Variants in FMR1 observed in about 807,000 individuals in gnomAD.
The protein encoded by FMR1 is fragile X messenger ribonucleoprotein 1.
Under a neutral mutation model 50.6 loss-of-function variants are expected in FMR1, and 13 were observed. The ratio of observed to expected loss-of-function variants is 0.26; its 90% CI spans 0.17 to 0.41. The LOEUF (loss-of-function observed/expected upper bound fraction) is 0.41. Among genes scored for constraint, FMR1 ranks in the 10% least tolerant of loss-of-function variants. The pLI is 1.00. For missense variants in FMR1, 316 were observed against 491.3 expected (o/e 0.64, Z 3.37); for synonymous variants, 138 against 164.1 (o/e 0.84, Z 1.22).
chrX:147,933,409 A>T, intron 9 of FMR1: 1 of 967,519 alleles, frequency 1.0e-6, no homozygotes, highest in Non-Finnish European at 1.4e-6. Context: ...AGGGTTGAAG[A>T]TCTGAACATA....
chrX:147,917,394 C>A (rs1376605438), intron 1 of FMR1, among the ~76,000 whole-genome samples: 1 of 111,757 alleles, frequency 8.9e-6, no homozygotes, highest in Non-Finnish European at 1.9e-5. Context: ...ACCTCTTTGG[C>A]CCAGTTGCTA....
intron 13 of FMR1, among the ~76,000 whole-genome samples, chrX:147,941,260 T>C (rs2043993966): frequency 8.9e-6 from 1 of 111,786 alleles, no homozygotes; most frequent in Non-Finnish European, 1.9e-5. Flanking sequence ...TGCAGCAATT[T>C]ACTTATAAGA....
chrX:147,928,442 T>G, intron 4 of FMR1, 49 bp downstream of exon 4: 1 of 996,455 alleles, frequency 1.0e-6, no homozygotes, highest in African/African-American at 1.9e-5. Context: ...TTCCTTTTTT[T>G]AAACCCAGGT....
intron 9 of FMR1, among the ~76,000 whole-genome samples, chrX:147,934,238 TTA>T (rs1220231544): frequency 5.5e-5 from 6 of 109,545 alleles, no homozygotes; most frequent in Admixed American, 9.7e-5. Flanking sequence ...GAGTAGAGAA[TTA>T]TGTGTCAGAT....
Position 147,919,496 on chromosome X carries a change from G to A in FMR1, c.52-2437G>A, listed in dbSNP as rs1257131574. On this transcript the variant is annotated intron_variant, in intron 1 of 16. Transcript: ENST00000370475. Reference sequence around the variant, plus strand: ...TAAGCTAGAGTTCTCAAAATATGCTGTAGAAAATATTGGTCATTTAAATAT... The same window carrying A: ...TAAGCTAGAGTTCTCAAAATATGCTATAGAAAATATTGGTCATTTAAATAT... Among the ~76,000 whole-genome samples the A allele has an allele frequency of 4.5e-5, 5 of 112,347 alleles. No homozygotes were observed. The East Asian group carries it at 1.4e-3, about 31-fold the overall frequency.
intron 14 of FMR1, chrX:147,943,562 C>T: frequency 2.5e-6 from 1 of 396,643 alleles, no homozygotes. Flanking sequence ...TCTGCAAAGC[C>T]CTTGTGTGTT....
rs781804261 is a variant in FMR1 at position 147,929,052 on chromosome X, A to G, written c.419+245A>G. On this transcript the variant is annotated intron_variant, in intron 5 of 16. Transcript: ENST00000370475. The stretch of plus-strand genomic sequence containing the variant: ...TTGGCTATACACGTGTCTGATGTAC[A>G]TAATGTACATTTGTTTTCTAAACTA... Among the ~76,000 whole-genome samples the G allele has an allele frequency of 1.5e-4, 17 of 112,335 alleles. No homozygotes were observed. The East Asian group carries it at 3.4e-3, about 22-fold the overall frequency.
At position 147,928,627 on chromosome X, in the gene FMR1, G is replaced by A. The variant is rs781877186; in HGVS notation, c.271-32G>A. 2.3e-5 allele frequency: 26 copies of A among 1,132,563 alleles called. No homozygotes were observed. The Admixed American group carries it at 5.6e-4, about 25-fold the overall frequency. The allele number at this position is 1,132,563 out of a possible 1,213,427, so 93.3% of individuals were successfully genotyped here. ...ACTTCTTATTCTTACTTTAAAAATT[G>A]TGATTAGAAGTGACTTTTATTTATT... On this transcript the variant is annotated intron_variant, in intron 4 of 16. Coordinates refer to ENST00000370475, the MANE Select transcript of FMR1 (RefSeq NM_002024.6).
chrX:147,928,150 T>C (rs1275036694), intron 3 of FMR1, 172 bp from the exon 4 acceptor site: 2 of 429,273 alleles, frequency 4.7e-6, no homozygotes, highest in Non-Finnish European at 8.2e-6. Flanking sequence ...ATTATGTATC[T>C]CTGCCTACCT....
At chrX:147,946,865 T>A (rs2044185330) in intron 16 of FMR1, 1 of 112,195 alleles carries the variant, frequency 8.9e-6, no homozygotes, top group Non-Finnish European at 1.9e-5. Flanking sequence ...TCAAAGTAAG[T>A]GTTAACTATT....
At chrX:147,912,633 G>A in intron 1 of FMR1, 1 of 302,732 alleles carries the variant, frequency 3.3e-6, no homozygotes, top group Non-Finnish European at 5.8e-6. Context: ...TGTCGTGTGG[G>A]TAGTTGTGGA....
chrX:147,946,643 A>T (rs1335559215), intron 16 of FMR1, among the ~76,000 whole-genome samples: 2 of 112,493 alleles, frequency 1.8e-5, no homozygotes, highest in African/African-American at 6.5e-5. Context: ...GCCCACAGTC[A>T]CATAGCTAGC....
intron 1 of FMR1, among the ~76,000 whole-genome samples, chrX:147,916,946 C>A (rs782671031): frequency 8.0e-5 from 9 of 111,936 alleles, no homozygotes; most frequent in Non-Finnish European, 1.3e-4. Context: ...CCATGTTGGC[C>A]AGGCTGATCT....
chrX:147,944,209 C>T, intron 14 of FMR1: 1 of 750,908 alleles, frequency 1.3e-6, no homozygotes, highest in Non-Finnish European at 1.6e-6. Context: ...TTTTTCTCCG[C>T]TCCTGTCCTC....
In FMR1 at chrX:147,932,911, T is replaced by TA. The variant is rs2124522423; in HGVS notation, c.880+149dup. The TA allele has an allele frequency of 1.1e-5, 5 of 463,538 alleles. No individual in the cohort carries two copies. The East Asian group carries it at 1.9e-4, about 18-fold the overall frequency. The allele number at this position is 463,538 out of a possible 1,213,427, so 38.2% of individuals were successfully genotyped here. On this transcript the variant is annotated intron_variant, in intron 9 of 16. Transcript: ENST00000370475. ...TGAAATATGATCTGTTCTTTTTTTT[T>TA]ATTATTTAAGTTTTAGGGTACATGT...
chrX:147,930,793 G>A (rs2043567878), intron 7 of FMR1: 1 of 112,778 alleles, frequency 8.9e-6, no homozygotes, highest in Non-Finnish European at 1.9e-5. Context: ...TAACTATCAA[G>A]TACGTCCATC....
chrX:147,944,440 A>G, intron 14 of FMR1: 6 of 753,289 alleles, frequency 8.0e-6, no homozygotes, highest in Non-Finnish European at 9.4e-6. Flanking sequence ...ACCAAAATAT[A>G]TACATTCCCC....
At position 147,950,242 on chromosome X, in the gene FMR1, G is replaced by A; in HGVS notation, c.*1398G>A. On this transcript the variant is annotated 3_prime_UTR_variant, in exon 17 of 17. Transcript: ENST00000370475. Reference sequence around the variant, plus strand: ...TGCCTCTGATGTATTTTGTGAGTTTGTTTCTTTGAATTTTCATTTTACAGT... The same window carrying A: ...TGCCTCTGATGTATTTTGTGAGTTTATTTCTTTGAATTTTCATTTTACAGT... 1 of 329,171 alleles carries A rather than the reference G, an allele frequency of 3.0e-6. No homozygotes were observed. The highest frequency in any genetic ancestry group is 5.9e-6 in the Non-Finnish European group (1 of 169,765). 27.1% of individuals were successfully genotyped at this position (329,171 alleles called of 1,213,427 possible). A position where few individuals can be genotyped will look rare whatever the true frequency, so the allele number is the denominator to read the frequency against.
At chrX:147,921,694 C>A (rs782424150) in intron 1 of FMR1, among the ~76,000 whole-genome samples, 154 of 111,544 alleles carry the variant, frequency 1.4e-3, no homozygotes, top group Non-Finnish European at 2.3e-3. Context: ...ATGTTGAAAT[C>A]TGTGGAGAAT....
Sources: gnomAD v4.1 joint callset for allele counts (sites outside exome capture counted in the v4.1 genomes callset) on GRCh38, gnomAD v4.1.1 for gene constraint, MANE v1.5 for transcripts, NCBI Gene and HGNC (gene_info 2026-07-23, HGNC 2026-07-21) for gene names.